The following ZC3H12B variants were observed in gnomAD, a reference collection of about 807,000 sequenced individuals.
ZC3H12B encodes zinc finger CCCH-type containing 12B, also known as probable ribonuclease ZC3H12B.
In ZC3H12B, 7 loss-of-function variants were observed where a neutral mutation model predicts 43.9. That is an observed-to-expected ratio of 0.16 (90% CI 0.09 to 0.30). The LOEUF is 0.30. ZC3H12B is among the 10% of genes least tolerant of loss of function. ZC3H12B has a pLI of 1.00. For synonymous variants in ZC3H12B, 222 were observed against 241.7 expected (o/e 0.92, Z 0.76); for missense variants, 475 against 670.2 (o/e 0.71, Z 3.22).
chrX:65,203,231 C>T, the ZC3H12B span, among the ~76,000 whole-genome samples: 1 of 112,222 alleles, frequency 8.9e-6, no homozygotes, highest in Non-Finnish European at 1.9e-5. Context: ...AGCTCTTCCA[C>T]CTCTGGTACC....
the ZC3H12B span, among the ~76,000 whole-genome samples, chrX:65,198,291 T>C: frequency 4.5e-5 from 5 of 112,326 alleles, no homozygotes; most frequent in Non-Finnish European, 9.4e-5. Flanking sequence ...TACAGTTTTA[T>C]AGCATTCTGT....
At chrX:65,169,295 C>A in the ZC3H12B span, among the ~76,000 whole-genome samples, 43 of 111,736 alleles carry the variant, frequency 3.8e-4, no homozygotes, top group African/African-American at 1.4e-3. Context: ...TTATGTACCC[C>A]GTAGTCATTC....
chrX:65,383,426 T>G lies in ZC3H12B; in HGVS notation n.295+14428T>G, dbSNP rs1260145485. Among the ~76,000 whole-genome samples, 4 of 111,699 alleles carry G rather than the reference T, an allele frequency of 3.6e-5. No homozygotes were observed. In the Admixed American group the frequency reaches 3.8e-4, roughly 11 times the overall value. On this transcript the variant is annotated intron_variant and non_coding_transcript_variant, in intron 2 of 5. Transcript: ENST00000617377. ...TGTAGAAAGCTGAAACTGGATCCCTTCCTTACACCTTATACAAAAATCAAT... is the reference window on the plus strand; with the variant it reads ...TGTAGAAAGCTGAAACTGGATCCCTGCCTTACACCTTATACAAAAATCAAT...
At chrX:65,211,429 G>A in the ZC3H12B span, among the ~76,000 whole-genome samples, 3 of 107,932 alleles carry the variant, frequency 2.8e-5, no homozygotes, top group Admixed American at 1.1e-4. Flanking sequence ...TGAACACTTA[G>A]TATGTTCTAG....
the ZC3H12B span, among the ~76,000 whole-genome samples, chrX:65,118,472 T>G: frequency 1.8e-5 from 2 of 111,154 alleles, no homozygotes; most frequent in South Asian, 7.6e-4. Context: ...GCTGAGAAGA[T>G]GGGGTTTTCT....
chrX:65,184,197 A>G, the ZC3H12B span, among the ~76,000 whole-genome samples: 3 of 111,430 alleles, frequency 2.7e-5, no homozygotes, highest in African/African-American at 9.7e-5. Flanking sequence ...TGTTATCTTG[A>G]TATTTCTACA....
At chrX:65,492,603 T>G (rs1569424918) in intron 1 of ZC3H12B, among the ~76,000 whole-genome samples, 1 of 112,074 alleles carries the variant, frequency 8.9e-6, no homozygotes, top group Non-Finnish European at 1.9e-5. Context: ...AAATTACCGT[T>G]AAGTCCCATT....
chrX:65,190,621 A>C, the ZC3H12B span, among the ~76,000 whole-genome samples: 1 of 107,237 alleles, frequency 9.3e-6, no homozygotes, highest in African/African-American at 3.4e-5. Context: ...GTGTATAAGA[A>C]TGCTTGTGAT....
chrX:65,041,165 TA>T, the ZC3H12B span, among the ~76,000 whole-genome samples: 1 of 112,732 alleles, frequency 8.9e-6, no homozygotes, highest in African/African-American at 3.2e-5. Flanking sequence ...AAAATAACCC[TA>T]AAGTCACTTT....
chrX:65,447,365 C>T (rs6624149), intron 3 of ZC3H12B, among the ~76,000 whole-genome samples: 44,161 of 110,144 alleles, frequency 0.4, 7,836 homozygotes, highest in East Asian at 0.69. Context: ...ATAAATAATG[C>T]TGGCAAAACT....
the ZC3H12B span, among the ~76,000 whole-genome samples, chrX:65,286,300 A>G: frequency 2.0e-4 from 22 of 111,931 alleles, no homozygotes; most frequent in Admixed American, 4.8e-4. Context: ...CTCCTAAGTA[A>G]AGTAACACAG....
chrX:65,130,361 G>T, the ZC3H12B span, among the ~76,000 whole-genome samples: 1 of 111,221 alleles, frequency 9.0e-6, no homozygotes, highest in Non-Finnish European at 1.9e-5. Flanking sequence ...GGGAAGAAAT[G>T]ACTGTGGTGA....
chrX:65,183,342 C>T, the ZC3H12B span, among the ~76,000 whole-genome samples: 2 of 111,630 alleles, frequency 1.8e-5, no homozygotes, highest in African/African-American at 3.2e-5. Flanking sequence ...CGTGTTCTAA[C>T]TTACATGTGA....
the ZC3H12B span, among the ~76,000 whole-genome samples, chrX:65,129,226 G>T: frequency 6.8e-3 from 632 of 92,774 alleles, 6 homozygotes; most frequent in African/African-American, 0.034. Context: ...CAATTTTAAT[G>T]GCTCTATTAT....
intron 3 of ZC3H12B, among the ~76,000 whole-genome samples, chrX:65,445,378 T>C (rs1341152265): frequency 1.3e-4 from 15 of 112,602 alleles, no homozygotes; most frequent in Non-Finnish European, 2.8e-4. Context: ...TCAAAGGGAA[T>C]TGAGTGTTGT....
At chrX:65,216,277 A>G in the ZC3H12B span, among the ~76,000 whole-genome samples, 1 of 111,607 alleles carries the variant, frequency 9.0e-6, no homozygotes, top group South Asian at 3.8e-4. Context: ...CCCCAATCCT[A>G]GGCAGTCAAG....
chrX:65,373,971 GT>G (rs750818974), intron 2 of ZC3H12B, among the ~76,000 whole-genome samples: 667 of 41,336 alleles, frequency 0.016, 13 homozygotes, highest in Non-Finnish European at 0.016. Context: ...TGTATATATA[GT>G]ATATATATAT....
chrX:65,319,099 ATTGAG>A, the ZC3H12B span, among the ~76,000 whole-genome samples: 2 of 111,506 alleles, frequency 1.8e-5, no homozygotes, highest in Non-Finnish European at 3.8e-5. Flanking sequence ...ACTCAAGGAA[ATTGAG>A]TTGTGAAAAA....
chrX:65,459,597 T>A (rs372526047), intron 3 of ZC3H12B, among the ~76,000 whole-genome samples: 4 of 111,589 alleles, frequency 3.6e-5, no homozygotes, highest in East Asian at 5.6e-4. Context: ...ACAGAACCAA[T>A]GACAAAAACC....
Sources: gnomAD v4.1 joint callset for allele counts (sites outside exome capture counted in the v4.1 genomes callset) on GRCh38, gnomAD v4.1.1 for gene constraint, MANE v1.5 for transcripts, NCBI Gene and HGNC (gene_info 2026-07-23, HGNC 2026-07-21) for gene names.